The following EPB41L4A variants were observed in gnomAD, a reference collection of about 807,000 sequenced individuals.
EPB41L4A encodes the protein erythrocyte membrane protein band 4.1 like 4A.
EPB41L4A carries 100 observed loss-of-function variants against 108.6 expected under a neutral mutation model. The observed-to-expected ratio is 0.92, with a 90% CI of 0.78 to 1.09. The LOEUF (loss-of-function observed/expected upper bound fraction) is 1.09. Ranked by LOEUF, EPB41L4A falls within the 50% of genes least tolerant of loss-of-function variation. The pLI is 0.00. For missense variants in EPB41L4A, 1,030 were observed against 842.7 expected (o/e 1.22, Z -2.75); for synonymous variants, 319 against 289.0 (o/e 1.10, Z -1.05).
intron 12 of EPB41L4A, among the ~76,000 whole-genome samples, chr5:112,221,143 T>C (rs566740931): frequency 1.3e-5 from 2 of 152,300 alleles, no homozygotes; most frequent in South Asian, 4.1e-4. Context: ...CCCTATACAA[T>C]CCACCCTAGC....
At chr5:112,286,759 G>T (rs1279002160) in intron 2 of EPB41L4A, among the ~76,000 whole-genome samples, 2 of 151,774 alleles carry the variant, frequency 1.3e-5, no homozygotes. Flanking sequence ...AATCATTGTT[G>T]GAAGAATGGT....
chr5:112,268,207 CT>C (rs1265938744), intron 4 of EPB41L4A, among the ~76,000 whole-genome samples: 2 of 152,156 alleles, frequency 1.3e-5, no homozygotes, highest in Admixed American at 1.3e-4. Flanking sequence ...CACAGTGAAA[CT>C]CTTTCTCTAT....
intron 1 of EPB41L4A, among the ~76,000 whole-genome samples, chr5:112,413,712 A>G (rs1409136526): frequency 6.6e-6 from 1 of 152,224 alleles, no homozygotes; most frequent in African/African-American, 2.4e-5. Flanking sequence ...GATGCTTCCG[A>G]TAAGTATGTG....
rs187600548 is a variant in EPB41L4A at position 112,294,739 on chromosome 5, T to C, written c.204+12647A>G. ...GGAGCTGCAGGTAGTTCAGTGGAGC[T>C]ACGGCGTACCTGAAGTACGCATTTG... is the stretch of plus-strand genomic sequence containing the variant. On this transcript the variant is annotated intron_variant, in intron 2 of 22. Transcript: ENST00000261486. Among the ~76,000 whole-genome samples, 778 of 151,524 alleles carry C rather than the reference T, an allele frequency of 5.1e-3. 8 individuals are homozygous for C. The highest frequency in any genetic ancestry group is 3.8e-3 in the Non-Finnish European group (260 of 67,932).
intron 1 of EPB41L4A, among the ~76,000 whole-genome samples, chr5:112,361,905 G>C (rs551134285): frequency 1.3e-5 from 2 of 151,996 alleles, no homozygotes; most frequent in East Asian, 1.9e-4. Context: ...AAAATTAAAA[G>C]TAATTATCAG....
chr5:112,374,391 A>G (rs1191912381), intron 1 of EPB41L4A, among the ~76,000 whole-genome samples: 2 of 152,264 alleles, frequency 1.3e-5, no homozygotes, highest in Non-Finnish European at 2.9e-5. Context: ...CAGCATTATA[A>G]GAAATATCTA....
chr5:112,157,469 C>T (rs1027222853), intron 12 of EPB41L4A, among the ~76,000 whole-genome samples: 1 of 152,198 alleles, frequency 6.6e-6, no homozygotes, highest in African/African-American at 2.4e-5. Flanking sequence ...AATTTAGTGG[C>T]TTAAAACAAC....
chr5:112,255,221 T>C (rs1397913578), intron 9 of EPB41L4A, among the ~76,000 whole-genome samples: 1 of 137,456 alleles, frequency 7.3e-6, no homozygotes, highest in Non-Finnish European at 1.6e-5. Context: ...ATTTCCCTTG[T>C]GCCAAAACTC....
intron 1 of EPB41L4A, among the ~76,000 whole-genome samples, chr5:112,364,970 A>G (rs1759031790): frequency 6.6e-6 from 1 of 152,194 alleles, no homozygotes; most frequent in Non-Finnish European, 1.5e-5. Context: ...TAAATCTAAG[A>G]TTAAGATAAA....
At chr5:112,319,506 A>G (rs1434620071) in intron 1 of EPB41L4A, among the ~76,000 whole-genome samples, 1 of 152,242 alleles carries the variant, frequency 6.6e-6, no homozygotes, top group African/African-American at 2.4e-5. Flanking sequence ...AAGGCAGAAT[A>G]GAATTTACAC....
At chr5:112,366,579 A>G (rs979208513) in intron 1 of EPB41L4A, among the ~76,000 whole-genome samples, 1 of 152,080 alleles carries the variant, frequency 6.6e-6, no homozygotes, top group Non-Finnish European at 1.5e-5. Context: ...CTCTGCTGAG[A>G]CACAGCCCAC....
At chr5:112,285,232 T>G (rs573236749) in intron 2 of EPB41L4A, among the ~76,000 whole-genome samples, 2 of 152,176 alleles carry the variant, frequency 1.3e-5, no homozygotes, top group Non-Finnish European at 2.9e-5. Flanking sequence ...ATAAAAGGAC[T>G]TAAAAGCACA....
chr5:112,228,765 CT>C, intron 12 of EPB41L4A: 1 of 985,300 alleles, frequency 1.0e-6, no homozygotes, highest in Non-Finnish European at 1.2e-6. Context: ...CTTTTTCCTC[CT>C]GCCGTCCCTT....
At position 112,261,885 on chromosome 5, in the gene EPB41L4A, A is replaced by ATTTT. The variant is rs35793398; in HGVS notation, c.642+605_642+608dup. Among the ~76,000 whole-genome samples the ATTTT allele has an allele frequency of 8.6e-4, 97 of 112,436 alleles. 1 individual carries two copies. In the East Asian group the frequency reaches 0.011, roughly 12 times the overall value. The allele number at this position is 112,436 out of a possible 152,430, so 73.8% of individuals were successfully genotyped here. ...GTCTAATACAGTCAATTACACACCA[A>ATTTT]TTTTTTTTTTTTTTTTTTTTTTGAG... On this transcript the variant is annotated intron_variant, in intron 7 of 22. Transcript: ENST00000261486.
intron 17 of EPB41L4A, among the ~76,000 whole-genome samples, chr5:112,193,404 C>G (rs1453398885): frequency 6.6e-6 from 1 of 152,160 alleles, no homozygotes; most frequent in Admixed American, 6.5e-5. Flanking sequence ...CGGGTTCAAG[C>G]GATTCTCCTG....
intron 1 of EPB41L4A, among the ~76,000 whole-genome samples, chr5:112,415,129 G>C (rs999812545): frequency 6.6e-6 from 1 of 151,972 alleles, no homozygotes; most frequent in African/African-American, 2.4e-5. Context: ...TGTAATTTTT[G>C]GTAAGTGAGA....
At chr5:112,405,910 A>G (rs565503534) in intron 1 of EPB41L4A, among the ~76,000 whole-genome samples, 35 of 152,136 alleles carry the variant, frequency 2.3e-4, no homozygotes, top group Non-Finnish European at 2.8e-4. Context: ...TCACTATCCC[A>G]CCAGAAATCC....
chr5:112,163,928 C>G lies in EPB41L4A; in HGVS notation c.*1062G>C, dbSNP rs887659342. ...AGGTGGAGAGACAAAAAGGTTAGGG[C>G]TGCTGGCAGCTGTGGAGAGAACTGT... On this transcript the variant is annotated 3_prime_UTR_variant, in exon 23 of 23. Transcript: ENST00000261486. 1 of 152,376 alleles carries G rather than the reference C, an allele frequency of 6.6e-6. No homozygotes were observed. Among genetic ancestry groups the G allele is most frequent in the Non-Finnish European group, 1.5e-5 (1 of 68,168 alleles). 9.4% of individuals were successfully genotyped at this position (152,376 alleles called of 1,614,324 possible).
intron 12 of EPB41L4A, among the ~76,000 whole-genome samples, chr5:112,226,254 G>C (rs1373953970): frequency 6.6e-6 from 1 of 152,204 alleles, no homozygotes; most frequent in Non-Finnish European, 1.5e-5. Context: ...CACAGGAGTA[G>C]TTCCGCTGAT....
Sources: gnomAD v4.1 joint callset for allele counts (sites outside exome capture counted in the v4.1 genomes callset) on GRCh38, gnomAD v4.1.1 for gene constraint, MANE v1.5 for transcripts, NCBI Gene and HGNC (gene_info 2026-07-23, HGNC 2026-07-21) for gene names.